STK3: variants seen among roughly 807,000 people sequenced by gnomAD.
STK3 encodes the protein serine/threonine-protein kinase 3.
STK3 carries 41 observed loss-of-function variants against 58.0 expected under a neutral mutation model. The ratio of observed to expected loss-of-function variants is 0.71; its 90% confidence interval spans 0.55 to 0.92. The LOEUF is 0.92. Ranked by LOEUF, STK3 falls within the 40% of genes least tolerant of loss-of-function variation. The pLI is 0.00. For missense variants in STK3, 479 were observed against 602.7 expected (o/e 0.79, Z 2.15); for synonymous variants, 170 against 191.0 (o/e 0.89, Z 0.91).
chr8:98,559,606 A>G (rs1378764584), intron 8 of STK3, among the ~76,000 whole-genome samples: 8 of 152,134 alleles, frequency 5.3e-5, no homozygotes, highest in Non-Finnish European at 1.5e-5. Flanking sequence ...AATTTGCCTG[A>G]GTTCTCCCTT....
At chr8:98,697,826 G>A (rs899583125) in intron 6 of STK3, among the ~76,000 whole-genome samples, 7 of 152,170 alleles carry the variant, frequency 4.6e-5, no homozygotes, top group Non-Finnish European at 7.4e-5. Context: ...GTGCTGAAAA[G>A]AATGTATATT....
intron 6 of STK3, among the ~76,000 whole-genome samples, chr8:98,628,909 T>A (rs1818960869): frequency 6.6e-6 from 1 of 151,750 alleles, no homozygotes; most frequent in Non-Finnish European, 1.5e-5. Flanking sequence ...GGCAACAGGT[T>A]TGGAAAACAT....
At chr8:98,526,184 G>C (rs1248746634) in intron 10 of STK3, among the ~76,000 whole-genome samples, 1 of 151,876 alleles carries the variant, frequency 6.6e-6, no homozygotes, top group Non-Finnish European at 1.5e-5. Context: ...AGAAGAACCA[G>C]GGTAGAAGAA....
chr8:98,465,413 T>A (rs1820388145), intron 10 of STK3, among the ~76,000 whole-genome samples: 1 of 152,154 alleles, frequency 6.6e-6, no homozygotes, highest in African/African-American at 2.4e-5. Flanking sequence ...AGGTTAAAAA[T>A]AGAAAAAATT....
chr8:98,363,998 ATC>A, the STK3 span, among the ~76,000 whole-genome samples: 2 of 152,122 alleles, frequency 1.3e-5, no homozygotes, highest in Non-Finnish European at 2.9e-5. Context: ...TGTTCTCTCT[ATC>A]ACAGTCAGGC....
intron 6 of STK3, among the ~76,000 whole-genome samples, chr8:98,629,157 A>G (rs763369307): frequency 1.3e-4 from 20 of 152,200 alleles, no homozygotes; most frequent in Non-Finnish European, 2.4e-4. Context: ...TACTTCATAC[A>G]CAAAATTAGA....
chr8:98,695,260 G>A (rs1824786569), intron 6 of STK3, among the ~76,000 whole-genome samples: 1 of 152,128 alleles, frequency 6.6e-6, no homozygotes, highest in South Asian at 2.1e-4. Context: ...TTTGTCAGAT[G>A]AGTAGATTGC....
chr8:98,423,130 A>T (rs1037857477), intron 3 of STK3, among the ~76,000 whole-genome samples: 1 of 152,180 alleles, frequency 6.6e-6, no homozygotes, highest in African/African-American at 2.4e-5. Flanking sequence ...GTTGGGGCCA[A>T]GACTCTGGCA....
chr8:98,887,265 A>T (rs1838026237), intron 1 of STK3, among the ~76,000 whole-genome samples: 1 of 152,160 alleles, frequency 6.6e-6, no homozygotes, highest in African/African-American at 2.4e-5. Context: ...TCAAAATCTG[A>T]AATTTTCTGA....
chr8:98,357,290 G>A, the STK3 span, among the ~76,000 whole-genome samples: 53 of 152,204 alleles, frequency 3.5e-4, no homozygotes, highest in African/African-American at 1.2e-3. Flanking sequence ...TACCTGCCTG[G>A]GTCTCCAGGT....
chr8:98,720,750 CAAAAAAAAAAAAAAA>C (rs35529460), intron 4 of STK3, among the ~76,000 whole-genome samples: 1 of 94,770 alleles, frequency 1.1e-5, no homozygotes, highest in Non-Finnish European at 2.2e-5. Flanking sequence ...GACTCCGTCT[CAAAAAAAAAAAAAAA>C]AAAAGAAAAA....
chr8:98,903,586 C>G, intron 1 of STK3, among the ~76,000 whole-genome samples: 1 of 135,486 alleles, frequency 7.4e-6, no homozygotes, highest in Non-Finnish European at 1.5e-5. Context: ...GGGCCTTGCT[C>G]TGTCACTCAG....
chr8:98,626,976 T>A (rs898272379), intron 6 of STK3, among the ~76,000 whole-genome samples: 2 of 152,158 alleles, frequency 1.3e-5, no homozygotes, highest in Non-Finnish European at 1.5e-5. Context: ...GAGTACAGAA[T>A]GTAGAGAGAA....
At chr8:98,567,109 A>G (rs1241700953) in intron 8 of STK3, among the ~76,000 whole-genome samples, 2 of 152,234 alleles carry the variant, frequency 1.3e-5, no homozygotes, top group East Asian at 3.8e-4. Context: ...CACAGTATCA[A>G]TTAGATAACA....
At chr8:98,352,458 T>G in the STK3 span, among the ~76,000 whole-genome samples, 1 of 152,162 alleles carries the variant, frequency 6.6e-6, no homozygotes, top group South Asian at 2.1e-4. Flanking sequence ...ATCCAAAGCT[T>G]TCTGAGCTCC....
chr8:98,909,462 A>T (rs1406224041), intron 1 of STK3, among the ~76,000 whole-genome samples: 1 of 152,226 alleles, frequency 6.6e-6, no homozygotes, highest in African/African-American at 2.4e-5. Context: ...AAACATTTTC[A>T]TCACTTCAAA....
chr8:98,675,951 CA>C (rs1380247623), intron 6 of STK3, among the ~76,000 whole-genome samples: 1 of 151,828 alleles, frequency 6.6e-6, no homozygotes, highest in Non-Finnish European at 1.5e-5. Context: ...AAGGTGGAAA[CA>C]ATCGAAGTTT....
At chr8:98,394,741 T>C (rs891509654) in intron 3 of STK3, among the ~76,000 whole-genome samples, 2 of 152,198 alleles carry the variant, frequency 1.3e-5, no homozygotes, top group Non-Finnish European at 2.9e-5. Flanking sequence ...ATGAAGAAAG[T>C]GAAGAGCACA....
intron 4 of STK3, among the ~76,000 whole-genome samples, chr8:98,741,478 C>T (rs1378751166): frequency 6.6e-6 from 1 of 152,126 alleles, no homozygotes; most frequent in East Asian, 1.9e-4. Context: ...AACTGAACAA[C>T]CTGCTCCTGA....
Sources: allele counts gnomAD v4.1 joint callset (sites outside exome capture counted in the v4.1 genomes callset), GRCh38; gene constraint gnomAD v4.1.1; transcripts MANE v1.5; gene names NCBI Gene and HGNC (gene_info 2026-07-23, HGNC 2026-07-21).